The following STYK1 variants were observed in gnomAD, a reference collection of about 807,000 sequenced individuals.
STYK1 encodes STY kinase 1.
In STYK1, 46 loss-of-function variants were observed where a neutral mutation model predicts 48.1. That is an observed-to-expected ratio of 0.96 (90% CI 0.75 to 1.22). STYK1 has a LOEUF of 1.22. STYK1 is among the 50% of genes most tolerant of loss of function. The probability of loss-of-function intolerance (pLI) is 0.00; values close to 1 mark genes in which losing one functional copy is unlikely to be tolerated. For synonymous variants in STYK1, 188 were observed against 189.0 expected (o/e 0.99, Z 0.04); for missense variants, 527 against 521.1 (o/e 1.01, Z -0.11).
intron 7 of STYK1, among the ~76,000 whole-genome samples, chr12:10,626,379 C>A (rs528335781): frequency 6.6e-6 from 1 of 152,274 alleles, no homozygotes; most frequent in South Asian, 2.1e-4. Context: ...GCCATTCAAA[C>A]ACCATAGACA....
At chr12:10,661,103 TTGAAA>T (rs1429601243) in intron 1 of STYK1, among the ~76,000 whole-genome samples, 1 of 152,100 alleles carries the variant, frequency 6.6e-6, no homozygotes, top group Non-Finnish European at 1.5e-5. Flanking sequence ...CCTTTACTTT[TTGAAA>T]TGAAATAATA....
At chr12:10,671,245 C>T (rs1947889150) in intron 1 of STYK1, among the ~76,000 whole-genome samples, 1 of 152,138 alleles carries the variant, frequency 6.6e-6, no homozygotes, top group African/African-American at 2.4e-5. Context: ...CCGCCCACCT[C>T]AGCCTCCCAA....
Position 10,627,672 on chromosome 12 carries a change from T to C in STYK1, c.686A>G (p.Tyr229Cys), listed in dbSNP as rs760747165. The C allele has an allele frequency of 2.5e-6, 4 of 1,613,914 alleles. No homozygotes were observed. The highest frequency in any genetic ancestry group is 3.4e-6 in the Non-Finnish European group (4 of 1,179,934). ...CAAAAGGACCTGCTTTCCGATGTGATATACTTGTTTTTCTGTGAGATCATA... is the reference window on the plus strand; with the variant it reads ...CAAAAGGACCTGCTTTCCGATGTGACATACTTGTTTTTCTGTGAGATCATA... ...LLYDLTEKQV[Y>C]HIGKQVLLAL... The change falls in exon 7 of 11, where the codon TAT (tyrosine) becomes TGT (cysteine). Residue 229 changes from tyrosine (Y) to cysteine (C), a missense_variant. By Grantham distance (194) the Tyr-to-Cys change is radical. Coordinates refer to ENST00000075503, the MANE Select transcript of STYK1 (RefSeq NM_018423.3).
intron 10 of STYK1, among the ~76,000 whole-genome samples, 170 bp from the exon 11 acceptor site, chr12:10,620,518 A>G (rs1339388145): frequency 2.0e-5 from 3 of 152,272 alleles, no homozygotes; most frequent in East Asian, 1.9e-4. Context: ...CAATCTTTTT[A>G]TATCAAGTCT....
At chr12:10,656,547 CCTGGGAGG>C (rs1004045177) in intron 1 of STYK1, among the ~76,000 whole-genome samples, 1 of 152,134 alleles carries the variant, frequency 6.6e-6, no homozygotes, top group African/African-American at 2.4e-5. Context: ...ATGGCATGAA[CCTGGGAGG>C]CGGAGCTTGC....
In STYK1 at chr12:10,627,625, T is replaced by G; in HGVS notation, c.717+16A>C. 6.2e-7 allele frequency: 1 copy of G among 1,606,556 alleles called. No individual in the cohort carries two copies. The highest frequency in any genetic ancestry group is 8.5e-7 in the Non-Finnish European group (1 of 1,176,804). Reference sequence around the variant, plus strand: ...GGAAACGTCACACCATCAGTTGTCATGTTGCCTCATCTTACCAGCGCCAAA... The same window carrying G: ...GGAAACGTCACACCATCAGTTGTCAGGTTGCCTCATCTTACCAGCGCCAAA... On this transcript the variant is annotated intron_variant, in intron 7 of 10. Coordinates refer to ENST00000075503, the MANE Select transcript of STYK1 (RefSeq NM_018423.3).
At chr12:10,670,852 A>T (rs750361389) in intron 1 of STYK1, among the ~76,000 whole-genome samples, 4 of 149,396 alleles carry the variant, frequency 2.7e-5, no homozygotes, top group African/African-American at 7.3e-5. Flanking sequence ...ATAATTTTTA[A>T]TTTTTTTAAT....
At chr12:10,636,459 T>C (rs746730706) in intron 2 of STYK1, among the ~76,000 whole-genome samples, 15 of 152,156 alleles carry the variant, frequency 9.9e-5, no homozygotes, top group Non-Finnish European at 1.9e-4. Flanking sequence ...CAAAGTCCAC[T>C]GTATCCAGTG....
At chr12:10,665,008 G>A (rs1271052252) in intron 1 of STYK1, among the ~76,000 whole-genome samples, 1 of 151,406 alleles carries the variant, frequency 6.6e-6, no homozygotes, top group African/African-American at 2.5e-5. Context: ...AATCAGATGT[G>A]GGACCTTCCA....
In STYK1 at chr12:10,627,693, T is replaced by C; in HGVS notation, c.665A>G (p.Asp222Gly). The C allele has an allele frequency of 1.2e-6, 2 of 1,613,462 alleles. No individual in the cohort carries two copies. Among genetic ancestry groups the C allele is most frequent in the Non-Finnish European group, 1.7e-6 (2 of 1,179,806 alleles). ...GTGATATACTTGTTTTTCTGTGAGATCATAGAGAAGACCATCCATAGTCAT... is the reference window on the plus strand; with the variant it reads ...GTGATATACTTGTTTTTCTGTGAGACCATAGAGAAGACCATCCATAGTCAT... ...DVMTMDGLLYDLTEKQVYHIG... is the reference protein window; with the variant it reads ...DVMTMDGLLYGLTEKQVYHIG... Residue 222 changes from aspartate (D) to glycine (G), a missense_variant, in exon 7 of 11, where the codon GAT (aspartate) becomes GGT (glycine). Transcript: ENST00000075503.
At position 10,672,933 on chromosome 12, in the gene STYK1, A is replaced by G. The variant is rs957333744; in HGVS notation, c.-195+1033T>C. Among the ~76,000 whole-genome samples, 2 of 152,214 alleles carry G rather than the reference A, an allele frequency of 1.3e-5. No homozygotes were observed. ...GAGGGGGAAAAACCAGGTAGACAGC[A>G]CAGAGTTCTGTTTCCAGGTGTATTT... On this transcript the variant is annotated intron_variant, in intron 1 of 10. Coordinates refer to ENST00000075503, the MANE Select transcript of STYK1 (RefSeq NM_018423.3). This position sits in a 1 kb window ranked among gnomAD's most constrained non-coding sequence, Gnocchi z 4.0.
At chr12:10,662,023 C>CT (rs752572550) in intron 1 of STYK1, among the ~76,000 whole-genome samples, 1 of 152,174 alleles carries the variant, frequency 6.6e-6, no homozygotes, top group African/African-American at 2.4e-5. Flanking sequence ...CCCTACTCTG[C>CT]TCCCTTCCCT....
chr12:10,624,751 C>T lies in STYK1; in HGVS notation c.826G>A (p.Val276Ile), dbSNP rs1397344727. 14 of 1,614,126 alleles carry T rather than the reference C, an allele frequency of 8.7e-6. 1 individual carries two copies. The highest frequency in any genetic ancestry group is 3.3e-4 in the Middle Eastern group (2 of 6,062). Residue 276 changes from valine to isoleucine, a missense_variant, in exon 8 of 11, where the codon GTT (valine) becomes ATT (isoleucine). Coordinates refer to ENST00000075503, the MANE Select transcript of STYK1 (RefSeq NM_018423.3). ...GAGGAGATGGCCCCTCGGGTGTAAA[C>T]TTCATAAGCCAGGCCTAATCCACAG... ...KLCGLGLAYE[V>I]YTRGAISSTQ...
intron 7 of STYK1, among the ~76,000 whole-genome samples, chr12:10,627,222 T>C (rs188569842): frequency 7.4e-4 from 113 of 152,322 alleles, no homozygotes; most frequent in Non-Finnish European, 1.4e-3. Context: ...TACTTCCTTC[T>C]GGTTCTGTCG....
intron 10 of STYK1, among the ~76,000 whole-genome samples, chr12:10,620,851 C>T (rs1331670927): frequency 1.3e-5 from 2 of 152,174 alleles, no homozygotes; most frequent in Admixed American, 6.5e-5. Flanking sequence ...GGCTGTGTTA[C>T]AAGTACCAGA....
chr12:10,633,844 C>A, intron 4 of STYK1, 146 bp downstream of exon 4: 1 of 933,034 alleles, frequency 1.1e-6, no homozygotes, highest in African/African-American at 1.7e-5. Context: ...GATCATCCCC[C>A]TCTCAACTCC....
At chr12:10,644,421 A>T (rs1565567132) in intron 1 of STYK1, among the ~76,000 whole-genome samples, 1 of 152,220 alleles carries the variant, frequency 6.6e-6, no homozygotes, top group Admixed American at 6.5e-5. Context: ...AATTTACTAC[A>T]GTTATTTAGA....
At chr12:10,659,762 C>A (rs1947755919) in intron 1 of STYK1, among the ~76,000 whole-genome samples, 1 of 152,150 alleles carries the variant, frequency 6.6e-6, no homozygotes. Context: ...ATTATTCTTG[C>A]TGAACTTCAT....
In STYK1 at chr12:10,622,177, G is replaced by C. The variant is rs142319314; in HGVS notation, c.968-205C>G. On this transcript the variant is annotated intron_variant, in intron 9 of 10. Transcript: ENST00000075503. ...AAAGGTGTTTTGGAGAAAAAAACCT[G>C]ATAAGTTAGGAGAATCTTGAATCTC... Among the ~76,000 whole-genome samples, 848 of 152,278 alleles carry C rather than the reference G, an allele frequency of 5.6e-3. 5 individuals carry two copies. The highest frequency in any genetic ancestry group is 0.019 in the African/African-American group (800 of 41,534).
Sources: allele counts gnomAD v4.1 joint callset (sites outside exome capture counted in the v4.1 genomes callset), GRCh38; gene constraint gnomAD v4.1.1; non-coding constraint Gnocchi (gnomAD v3.1); transcripts MANE v1.5; gene names NCBI Gene and HGNC (gene_info 2026-07-23, HGNC 2026-07-21).